CXADR: variants seen among roughly 807,000 people sequenced by gnomAD.
The protein encoded by CXADR is coxsackievirus and adenovirus receptor.
A neutral mutation model predicts 40.3 loss-of-function variants in CXADR; 20 were observed. The observed-to-expected ratio is 0.50, with a 90% CI of 0.35 to 0.72. The LOEUF (loss-of-function observed/expected upper bound fraction) is 0.72, where lower values mean the gene tolerates loss of function less well. Ranked by LOEUF, CXADR falls within the 30% of genes least tolerant of loss-of-function variation. CXADR has a pLI of 0.01. For missense variants in CXADR, 332 were observed against 449.1 expected (o/e 0.74, Z 2.36); for synonymous variants, 150 against 161.3 (o/e 0.93, Z 0.53).
intron 1 of CXADR, among the ~76,000 whole-genome samples, chr21:17,520,393 C>G (rs1324713157): frequency 6.6e-6 from 1 of 152,118 alleles, no homozygotes; most frequent in Non-Finnish European, 1.5e-5. Flanking sequence ...ATGATTCTTA[C>G]AAGGAAGTCT....
chr21:17,513,302 G>A, intron 1 of CXADR, 130 bp downstream of exon 1: 1 of 924,258 alleles, frequency 1.1e-6, no homozygotes, highest in Non-Finnish European at 1.4e-6. Context: ...CAGGGGCGGC[G>A]GGGCGGGCAG....
At chr21:17,558,856 C>G in intron 3 of CXADR, 120 bp from the exon 4 acceptor site, 1 of 1,000,846 alleles carries the variant, frequency 1.0e-6, no homozygotes. Context: ...GTCTTTCATT[C>G]TTTTGTGAAT....
rs2061226336 is a variant in CXADR, at chr21:17,567,533, A to G, written c.*1841A>G. 1 of 985,288 alleles carries G rather than the reference A, an allele frequency of 1.0e-6. No individual in the cohort carries two copies. Among genetic ancestry groups the G allele is most frequent in the Non-Finnish European group, 1.2e-6 (1 of 829,844 alleles). 61.0% of individuals were successfully genotyped at this position (985,288 alleles called of 1,614,324 possible). A position where few individuals can be genotyped will look rare whatever the true frequency, so the allele number is the denominator to read the frequency against. On this transcript the variant is annotated 3_prime_UTR_variant, in exon 7 of 7. Coordinates refer to ENST00000284878, the MANE Select transcript of CXADR (RefSeq NM_001338.5). ...AAACACATCACTGTGATACCTTTCT[A>G]TCCTCACATTTTCAAGCTTGCCTCT...
Position 17,547,169 on chromosome 21 carries a change from TGATA to T in CXADR, c.187_190del (p.Asp63IlefsTer7). The stretch of plus-strand genomic sequence containing the variant: ...ACATCGAGTGGCTGATATCACCAGC[TGATA>T]ATCAGAAGGTGGATCAAGTGGTAAG... On this transcript the variant is annotated frameshift_variant, in exon 2 of 7. Transcript: ENST00000284878. LOFTEE classifies it high-confidence loss of function. 6.2e-7 allele frequency: 1 copy of T among 1,614,204 alleles called. No individual in the cohort carries two copies. Among genetic ancestry groups the T allele is most frequent in the Non-Finnish European group, 8.5e-7 (1 of 1,180,032 alleles).
chr21:17,556,783 T>G (rs2061041523), intron 3 of CXADR, among the ~76,000 whole-genome samples: 1 of 152,178 alleles, frequency 6.6e-6, no homozygotes, highest in Admixed American at 6.5e-5. Context: ...ATTTTAAAAA[T>G]GTAAGTAGGA....
intron 4 of CXADR, 115 bp downstream of exon 4, chr21:17,559,246 C>T: frequency 3.7e-6 from 4 of 1,082,244 alleles, no homozygotes; most frequent in Non-Finnish European, 5.4e-6. Context: ...TCACTGCAAT[C>T]ACGGCTCACT....
At chr21:17,523,494 A>G (rs951410052) in intron 1 of CXADR, among the ~76,000 whole-genome samples, 4 of 152,056 alleles carry the variant, frequency 2.6e-5, no homozygotes, top group Non-Finnish European at 5.9e-5. Context: ...TAGTTCTCCT[A>G]CTTGCAGCCA....
intron 7 of CXADR, among the ~76,000 whole-genome samples, chr21:17,586,493 G>T (rs1009992415): frequency 4.7e-5 from 7 of 149,784 alleles, no homozygotes; most frequent in African/African-American, 1.7e-4. Flanking sequence ...TAAAGATGGG[G>T]TCTCACTTTG....
chr21:17,632,598 T>A, the CXADR span, among the ~76,000 whole-genome samples: 1 of 151,980 alleles, frequency 6.6e-6, no homozygotes, highest in Admixed American at 6.6e-5. Flanking sequence ...CCGGGCGTGG[T>A]GGCTCACGCC....
Position 17,565,890 on chromosome 21 carries a change from A to G in CXADR, c.*198A>G, listed in dbSNP as rs1061467. 1 of 1,249,036 alleles carries G rather than the reference A, an allele frequency of 8.0e-7. No individual in the cohort carries two copies. The highest frequency in any genetic ancestry group is 3.9e-5 in the Admixed American group (1 of 25,912). 77.4% of individuals were successfully genotyped at this position (1,249,036 alleles called of 1,614,324 possible). A position where few individuals can be genotyped will look rare whatever the true frequency, so the allele number is the denominator to read the frequency against. ...TTACAGGCACTAAAGTTAGTAAAGA[A>G]AAGTTTACCATCTGAAAAAGCTGGA... is the stretch of plus-strand genomic sequence containing the variant. On this transcript the variant is annotated 3_prime_UTR_variant, in exon 7 of 7. Coordinates refer to ENST00000284878, the MANE Select transcript of CXADR (RefSeq NM_001338.5).
chr21:17,596,777 C>CT (rs1326976599), downstream of CXADR, among the ~76,000 whole-genome samples: 1 of 151,886 alleles, frequency 6.6e-6, no homozygotes, highest in Admixed American at 6.6e-5. Flanking sequence ...AGAAAAAAAC[C>CT]TTTTAAGATG....
chr21:17,610,128 T>G, the CXADR span, among the ~76,000 whole-genome samples: 1 of 152,028 alleles, frequency 6.6e-6, no homozygotes, highest in Non-Finnish European at 1.5e-5. Flanking sequence ...AATAAGCAAA[T>G]CTATATAGAC....
At chr21:17,613,234 C>T in the CXADR span, 1 of 152,260 alleles carries the variant, frequency 6.6e-6, no homozygotes, top group Non-Finnish European at 1.5e-5. Context: ...TCGGGGGTCG[C>T]GCGGGCTTGG....
intron 1 of CXADR, among the ~76,000 whole-genome samples, chr21:17,531,172 G>A (rs962583675): frequency 9.9e-5 from 15 of 151,998 alleles, no homozygotes; most frequent in East Asian, 3.9e-4. Context: ...GTGGCAGGGC[G>A]CCTATAATCC....
chr21:17,527,624 GGA>G (rs1363201548), intron 1 of CXADR, among the ~76,000 whole-genome samples: 2 of 152,088 alleles, frequency 1.3e-5, no homozygotes, highest in African/African-American at 2.4e-5. Flanking sequence ...GAGCAAGGCA[GGA>G]ATCATAGCAG....
At chr21:17,565,319 A>G (rs1199153556) in intron 6 of CXADR, 109 bp from the exon 7 acceptor site, 2 of 1,161,862 alleles carry the variant, frequency 1.7e-6, no homozygotes, top group Non-Finnish European at 2.4e-6. Flanking sequence ...ACACACTTTT[A>G]TATGTTTAGT....
intron 1 of CXADR, among the ~76,000 whole-genome samples, chr21:17,525,947 G>A (rs1393300238): frequency 6.6e-6 from 1 of 152,134 alleles, no homozygotes; most frequent in African/African-American, 2.4e-5. Context: ...AAGGCAAAAA[G>A]AAAAATGTGA....
chr21:17,591,053 C>CT (rs1276897774), intron 7 of CXADR, among the ~76,000 whole-genome samples: 1 of 151,706 alleles, frequency 6.6e-6, no homozygotes, highest in Non-Finnish European at 1.5e-5. Context: ...GCACTGGTTC[C>CT]TTTTTTTAAA....
At chr21:17,591,714 A>T (rs993433778) in intron 7 of CXADR, among the ~76,000 whole-genome samples, 2 of 151,960 alleles carry the variant, frequency 1.3e-5, no homozygotes, top group Non-Finnish European at 2.9e-5. Context: ...TTCAGTGATA[A>T]ACCACTCCTG....
Sources: allele counts gnomAD v4.1 joint callset (sites outside exome capture counted in the v4.1 genomes callset), GRCh38; gene constraint gnomAD v4.1.1; transcripts MANE v1.5; gene names NCBI Gene and HGNC (gene_info 2026-07-23, HGNC 2026-07-21).